SYN3: variants seen among roughly 807,000 people sequenced by gnomAD.
SYN3 encodes the protein synapsin III.
Under a neutral mutation model 65.8 loss-of-function variants are expected in SYN3, and 35 were observed. The ratio of observed to expected loss-of-function variants is 0.53; its 90% CI spans 0.41 to 0.70. The LOEUF (loss-of-function observed/expected upper bound fraction) is 0.70, where lower values mean the gene tolerates loss of function less well. Ranked by LOEUF, SYN3 falls within the 30% of genes least tolerant of loss-of-function variation. SYN3 has a pLI of 0.00. For synonymous variants in SYN3, 270 were observed against 292.9 expected (o/e 0.92, Z 0.80); for missense variants, 680 against 749.0 (o/e 0.91, Z 1.08).
intron 6 of SYN3, chr22:32,858,251 G>GT: frequency 6.8e-7 from 1 of 1,480,646 alleles, no homozygotes; most frequent in Non-Finnish European, 9.2e-7. Flanking sequence ...GTATGCATGT[G>GT]TTAGGCCAGG....
chr22:32,546,583 C>T (rs1012621335), intron 7 of SYN3, among the ~76,000 whole-genome samples: 2 of 152,002 alleles, frequency 1.3e-5, no homozygotes, highest in African/African-American at 2.4e-5. Flanking sequence ...GGTCCTCAGG[C>T]CAGAGAGGGT....
At chr22:32,533,242 A>G (rs187255739) in intron 10 of SYN3, among the ~76,000 whole-genome samples, 341 of 151,784 alleles carry the variant, frequency 2.2e-3, no homozygotes, top group African/African-American at 7.7e-3. Flanking sequence ...ATGCCCCTGT[A>G]CCATTCCATC....
intron 1 of SYN3, among the ~76,000 whole-genome samples, chr22:33,047,333 T>C (rs1443676733): frequency 6.6e-6 from 1 of 152,186 alleles, no homozygotes; most frequent in Non-Finnish European, 1.5e-5. Context: ...AATGAATGAA[T>C]GAGCACACCC....
chr22:32,641,153 C>A (rs1460100377), intron 6 of SYN3, among the ~76,000 whole-genome samples: 3 of 152,186 alleles, frequency 2.0e-5, no homozygotes, highest in African/African-American at 4.8e-5. Context: ...CGAACGTCAA[C>A]AATGGTGATT....
chr22:32,958,400 T>G (rs1238221729), intron 3 of SYN3, among the ~76,000 whole-genome samples: 1 of 152,170 alleles, frequency 6.6e-6, no homozygotes, highest in African/African-American at 2.4e-5. Context: ...GTGATGACAA[T>G]AATTATCCCA....
At chr22:32,964,192 A>G (rs10222206) in intron 3 of SYN3, among the ~76,000 whole-genome samples, 8,067 of 149,958 alleles carry the variant, frequency 0.054, 698 homozygotes, top group African/African-American at 0.18. Flanking sequence ...AAAAAACCAA[A>G]CACCGCATGT....
intron 1 of SYN3, among the ~76,000 whole-genome samples, chr22:33,022,559 T>C (rs535390805): frequency 6.6e-6 from 1 of 152,284 alleles, no homozygotes; most frequent in East Asian, 1.9e-4. Flanking sequence ...TGATCTCCTG[T>C]GGGTAGCATC....
At chr22:32,742,439 G>A (rs2044800674) in intron 6 of SYN3, among the ~76,000 whole-genome samples, 1 of 152,176 alleles carries the variant, frequency 6.6e-6, no homozygotes, top group South Asian at 2.1e-4. Context: ...TCAACACAGA[G>A]CTTCAATACT....
At chr22:32,587,315 A>T (rs1047506827) in intron 7 of SYN3, among the ~76,000 whole-genome samples, 1 of 150,418 alleles carries the variant, frequency 6.6e-6, no homozygotes, top group African/African-American at 2.4e-5. Context: ...GAGAGAGGAC[A>T]TAGGGAGGGA....
At chr22:32,536,942 T>C (rs538504304) in intron 9 of SYN3, among the ~76,000 whole-genome samples, 249 of 152,278 alleles carry the variant, frequency 1.6e-3, no homozygotes, top group Non-Finnish European at 2.7e-3. Context: ...ACAGAGTTCT[T>C]AGAGGGAAGG....
chr22:33,014,073 T>TAAAA (rs133952), intron 1 of SYN3, among the ~76,000 whole-genome samples: 5 of 129,794 alleles, frequency 3.9e-5, no homozygotes, highest in African/African-American at 1.2e-4. Flanking sequence ...CCCAGCTAGT[T>TAAAA]AAAAAAAAAA....
At position 32,910,430 on chromosome 22, in the gene SYN3, T is replaced by A. The variant is rs542269189; in HGVS notation, c.461+20960A>T. On this transcript the variant is annotated intron_variant, in intron 4 of 13. Transcript: ENST00000358763. ...GAGAACCACATGACATGATGGATGA[T>A]CTGTAGAATTCCCCCCTGCCCTGGC... Among the ~76,000 whole-genome samples, 4 of 151,792 alleles carry A rather than the reference T, an allele frequency of 2.6e-5. No individual in the cohort carries two copies. The South Asian group carries it at 8.3e-4, about 32-fold the overall frequency.
chr22:33,033,083 G>C (rs917193226), intron 1 of SYN3, among the ~76,000 whole-genome samples: 5 of 151,338 alleles, frequency 3.3e-5, no homozygotes, highest in Non-Finnish European at 5.9e-5. Flanking sequence ...TGTGACCTCA[G>C]CTCACTGCAA....
At chr22:32,899,395 G>T (rs2049695455) in intron 4 of SYN3, among the ~76,000 whole-genome samples, 1 of 152,200 alleles carries the variant, frequency 6.6e-6, no homozygotes. Flanking sequence ...TTTAGGAGAA[G>T]AAATCCTTTT....
At chr22:33,039,317 T>G (rs1293839296) in intron 1 of SYN3, among the ~76,000 whole-genome samples, 1 of 152,054 alleles carries the variant, frequency 6.6e-6, no homozygotes, top group Non-Finnish European at 1.5e-5. Flanking sequence ...TGTTTTAGCC[T>G]GTATATTTTT....
intron 12 of SYN3, among the ~76,000 whole-genome samples, chr22:32,518,669 CAT>C (rs974798852): frequency 2.6e-5 from 4 of 152,056 alleles, no homozygotes; most frequent in Non-Finnish European, 5.9e-5. Context: ...TATGTAAAAA[CAT>C]ATATAAAAAA....
intron 3 of SYN3, chr22:32,947,532 G>C (rs2051149694): frequency 6.6e-6 from 1 of 152,272 alleles, no homozygotes; most frequent in Non-Finnish European, 1.5e-5. Flanking sequence ...TTCAGGCAGA[G>C]AGCAGGGGAA....
At chr22:32,925,607 A>C (rs1280784640) in intron 4 of SYN3, among the ~76,000 whole-genome samples, 1 of 152,236 alleles carries the variant, frequency 6.6e-6, no homozygotes, top group African/African-American at 2.4e-5. Context: ...GTGTTCAGGC[A>C]GCATACCTAG....
chr22:32,987,208 TAGAGAA>T (rs1242875081), intron 2 of SYN3, among the ~76,000 whole-genome samples: 2 of 151,664 alleles, frequency 1.3e-5, no homozygotes, highest in Non-Finnish European at 2.9e-5. Flanking sequence ...GGAGTGGAAA[TAGAGAA>T]AGAGATTTTC....
Sources: allele counts gnomAD v4.1 joint callset (sites outside exome capture counted in the v4.1 genomes callset), GRCh38; gene constraint gnomAD v4.1.1; transcripts MANE v1.5; gene names NCBI Gene and HGNC (gene_info 2026-07-23, HGNC 2026-07-21).